CACNA2D2: variants seen among roughly 807,000 people sequenced by gnomAD.
CACNA2D2 encodes voltage-dependent calcium channel subunit alpha-2/delta-2.
Under a neutral mutation model 166.4 loss-of-function variants are expected in CACNA2D2, and 48 were observed. The observed-to-expected ratio is 0.29, with a 90% CI of 0.23 to 0.37. CACNA2D2 has a LOEUF of 0.37. Ranked by LOEUF, CACNA2D2 falls within the 10% of genes least tolerant of loss-of-function variation. The pLI is 1.00. For synonymous variants in CACNA2D2, 561 were observed against 573.7 expected (o/e 0.98, Z 0.32); for missense variants, 1,122 against 1,433.0 (o/e 0.78, Z 3.50).
rs1310231673 is a variant in CACNA2D2 at position 50,364,382 on chromosome 3, T to C, written c.*284A>G. Reference sequence around the variant, plus strand: ...GGCCTGGTTTTGGCACCAGTGCGTGTGGCCTCCCTGTCCCATCCCACTGGG... The same window carrying C: ...GGCCTGGTTTTGGCACCAGTGCGTGCGGCCTCCCTGTCCCATCCCACTGGG... On this transcript the variant is annotated 3_prime_UTR_variant, in exon 38 of 38. Transcript: ENST00000424201. 2.4e-6 allele frequency: 1 copy of C among 421,840 alleles called. No individual in the cohort carries two copies. 26.1% of individuals were successfully genotyped at this position (421,840 alleles called of 1,614,324 possible).
chr3:50,476,089 G>C (rs1235537401), intron 2 of CACNA2D2, 29 bp downstream of exon 2: 16 of 1,552,704 alleles, frequency 1.0e-5, no homozygotes, highest in Non-Finnish European at 1.1e-5. Flanking sequence ...GAGGGTCCCT[G>C]AAGAGACAGC....
Position 50,378,075 on chromosome 3 carries a change from C to T in CACNA2D2, c.1412G>A (p.Arg471Lys). 1 of 1,613,616 alleles carries T rather than the reference C, an allele frequency of 6.2e-7. No individual in the cohort carries two copies. Among genetic ancestry groups the T allele is most frequent in the Non-Finnish European group, 8.5e-7 (1 of 1,180,014 alleles). Residue 471 changes from arginine to lysine, a missense_variant, in exon 15 of 38, where the codon AGG becomes AAG. Arg to Lys is a conservative substitution (Grantham distance 26). Transcript: ENST00000424201. Reference sequence around the variant, plus strand: ...CTCCTTGCCTGCCAGCACCATGGGCCTGCCCAACACATCTAGATATTCCTG... The same window carrying T: ...CTCCTTGCCTGCCAGCACCATGGGCTTGCCCAACACATCTAGATATTCCTG... ...NTQEYLDVLG[R>K]PMVLAGKEAK...
intron 3 of CACNA2D2, among the ~76,000 whole-genome samples, chr3:50,405,801 T>C (rs569091507): frequency 2.6e-5 from 4 of 152,190 alleles, no homozygotes; most frequent in Non-Finnish European, 5.9e-5. Context: ...GGGACAGAGC[T>C]TGGACCTGTA....
At chr3:50,370,488 G>C (rs1575590575) in intron 22 of CACNA2D2, 108 bp from the exon 23 acceptor site, 3 of 583,196 alleles carry the variant, frequency 5.1e-6, no homozygotes, top group South Asian at 1.7e-5. Flanking sequence ...CTGGAGGGAG[G>C]GGGAGACACC....
At chr3:50,439,973 G>A (rs1407242617) in intron 2 of CACNA2D2, among the ~76,000 whole-genome samples, 2 of 152,212 alleles carry the variant, frequency 1.3e-5, no homozygotes, top group African/African-American at 4.8e-5. Flanking sequence ...AAAATAGAGG[G>A]TATTGACATA....
chr3:50,408,800 C>T (rs770824277), intron 3 of CACNA2D2, among the ~76,000 whole-genome samples: 8 of 152,200 alleles, frequency 5.3e-5, no homozygotes, highest in Non-Finnish European at 8.8e-5. Flanking sequence ...CAGGTAGGGC[C>T]CACCTGGGCC....
In CACNA2D2 at chr3:50,387,342, C is replaced by G. The variant is rs587648249; in HGVS notation, c.510+226G>C. Among the ~76,000 whole-genome samples, 13 of 152,316 alleles carry G rather than the reference C, an allele frequency of 8.5e-5. No individual in the cohort carries two copies. In the South Asian group the frequency reaches 2.7e-3, roughly 32 times the overall value. ...CGTGCGGGAAGGGCCAAGCGCCTCA[C>G]CACCTGCCTCACACTGCAGTCAAGC... On this transcript the variant is annotated intron_variant, in intron 5 of 37. Transcript: ENST00000424201.
At chr3:50,441,458 CTT>C (rs1416902878) in intron 2 of CACNA2D2, among the ~76,000 whole-genome samples, 2 of 152,230 alleles carry the variant, frequency 1.3e-5, no homozygotes, top group African/African-American at 4.8e-5. Flanking sequence ...GGCTCAATCT[CTT>C]GTTTTTCAAA....
At chr3:50,443,596 C>T (rs1708707882) in intron 2 of CACNA2D2, among the ~76,000 whole-genome samples, 1 of 152,210 alleles carries the variant, frequency 6.6e-6, no homozygotes, top group South Asian at 2.1e-4. Context: ...CGTTCACCAC[C>T]TTGTGCAGCC....
Position 50,367,415 on chromosome 3 carries a change from A to T in CACNA2D2, c.2380T>A (p.Phe794Ile). 6.2e-7 allele frequency: 1 copy of T among 1,613,864 alleles called. No individual in the cohort carries two copies. The highest frequency in any genetic ancestry group is 8.5e-7 in the Non-Finnish European group (1 of 1,180,008). The change falls in exon 27 of 38, where the codon TTC (phenylalanine) becomes ATC (isoleucine). Residue 794 changes from phenylalanine (F) to isoleucine (I), a missense_variant. Phe to Ile is a conservative substitution (Grantham distance 21, BLOSUM62 0). This residue lies in a region of CACNA2D2 where 840 missense variants were observed against 1,166.8 expected (regional missense o/e 0.72). Transcript: ENST00000424201. The surrounding 1 kb of genome is among the most constrained non-coding windows in gnomAD (Gnocchi z 6.5). The part of the protein sequence containing the change: ...RRSLDNHGYV[F>I]KPPHQDALLR... ...TCACCATCCTGGTGTGGGGGCTTGA[A>T]GACATAACCGTGGTTATCCAGGCTG...
At chr3:50,382,960 C>T (rs1448357487) in intron 6 of CACNA2D2, among the ~76,000 whole-genome samples, 2 of 152,262 alleles carry the variant, frequency 1.3e-5, no homozygotes, top group Non-Finnish European at 2.9e-5. Flanking sequence ...TGCTACTCAG[C>T]CCCATGCGCA....
intron 3 of CACNA2D2, among the ~76,000 whole-genome samples, chr3:50,413,931 AC>A (rs1296332038): frequency 6.7e-6 from 1 of 149,924 alleles, no homozygotes; most frequent in Non-Finnish European, 1.5e-5. Context: ...CCCCCATGAA[AC>A]CCACCCCCCT....
chr3:50,411,744 G>T (rs1050939296), intron 3 of CACNA2D2, among the ~76,000 whole-genome samples: 3 of 152,208 alleles, frequency 2.0e-5, no homozygotes, highest in African/African-American at 7.2e-5. Flanking sequence ...GCTGAGCCCA[G>T]GCCTTCCAAG....
chr3:50,411,872 G>A lies in CACNA2D2; in HGVS notation c.406-17704C>T, dbSNP rs528272329. ...TCTGAGGCTTGGGGAGGAGCAACATGCCCAGGGTCACACTACAGTCCAGGT... is the reference window on the plus strand; with the variant it reads ...TCTGAGGCTTGGGGAGGAGCAACATACCCAGGGTCACACTACAGTCCAGGT... On this transcript the variant is annotated intron_variant, in intron 3 of 37. Coordinates refer to ENST00000424201, the MANE Select transcript of CACNA2D2 (RefSeq NM_006030.4). Among the ~76,000 whole-genome samples the A allele has an allele frequency of 3.9e-5, 6 of 152,310 alleles. No individual in the cohort carries two copies. The South Asian group carries it at 1.2e-3, about 32-fold the overall frequency.
chr3:50,429,592 CAAAAAAAAAAAA>C (rs1160685582), intron 3 of CACNA2D2, among the ~76,000 whole-genome samples: 43 of 52,644 alleles, frequency 8.2e-4, no homozygotes, highest in Middle Eastern at 0.011. Flanking sequence ...ACTAAAAATA[CAAAAAAAAAAAA>C]AAAAAAAAAA....
chr3:50,397,518 C>T (rs1706222262), intron 3 of CACNA2D2, among the ~76,000 whole-genome samples: 1 of 152,116 alleles, frequency 6.6e-6, no homozygotes, highest in Non-Finnish European at 1.5e-5. Context: ...CTTGAAGCCC[C>T]CGAGTCCTGG....
chr3:50,389,129 G>A (rs1038702944), intron 4 of CACNA2D2, among the ~76,000 whole-genome samples: 1 of 152,198 alleles, frequency 6.6e-6, no homozygotes, highest in Non-Finnish European at 1.5e-5. Context: ...ACCCACCAGT[G>A]CAAGAAGGCT....
chr3:50,499,097 G>T (rs1306178902), intron 1 of CACNA2D2, among the ~76,000 whole-genome samples: 1 of 152,222 alleles, frequency 6.6e-6, no homozygotes, highest in Non-Finnish European at 1.5e-5. Context: ...AGGGAGTGAG[G>T]GAGGGAGGTG....
intron 2 of CACNA2D2, among the ~76,000 whole-genome samples, chr3:50,446,930 T>C (rs888058434): frequency 6.6e-6 from 1 of 152,042 alleles, no homozygotes; most frequent in African/African-American, 2.4e-5. Flanking sequence ...AGGCTACAGG[T>C]GCATAAACTG....
Sources: allele counts gnomAD v4.1 joint callset (sites outside exome capture counted in the v4.1 genomes callset), GRCh38; gene constraint gnomAD v4.1.1; regional missense constraint gnomAD v4.1.1; non-coding constraint Gnocchi (gnomAD v3.1); transcripts MANE v1.5; gene names NCBI Gene and HGNC (gene_info 2026-07-23, HGNC 2026-07-21).